Variants in PPP2R3A observed in about 807,000 individuals in gnomAD.
PPP2R3A encodes the protein protein phosphatase 2 regulatory subunit B''alpha, also known as serine/threonine-protein phosphatase 2A regulatory subunit B'' subunit alpha.
In PPP2R3A, 80 loss-of-function variants were observed where a neutral mutation model predicts 106.9. That is an observed-to-expected ratio of 0.75 (90% confidence interval 0.62 to 0.90). PPP2R3A has a LOEUF of 0.90. Among genes scored for constraint, PPP2R3A ranks in the 40% least tolerant of loss-of-function variants. The pLI is 0.00. For synonymous variants in PPP2R3A, 483 were observed against 468.3 expected, an observed-to-expected ratio of 1.03 and a Z score of -0.41; for missense variants, 1,386 against 1,350.4, an observed-to-expected ratio of 1.03 and a Z score of -0.41.
intron 4 of PPP2R3A, among the ~76,000 whole-genome samples, chr3:136,044,193 TAAG>T (rs1935392992): frequency 6.6e-6 from 1 of 152,356 alleles, no homozygotes; most frequent in East Asian, 1.9e-4. Context: ...TTAGGAGCCT[TAAG>T]CATGTTGAGG....
At chr3:136,028,732 T>A (rs1576445695) in intron 3 of PPP2R3A, among the ~76,000 whole-genome samples, 3 of 152,262 alleles carry the variant, frequency 2.0e-5, no homozygotes, top group African/African-American at 7.2e-5. Context: ...GCTGGAACTA[T>A]GGCTGTAAAT....
chr3:136,066,564 A>G (rs1448330570), intron 5 of PPP2R3A, among the ~76,000 whole-genome samples: 1 of 152,200 alleles, frequency 6.6e-6, no homozygotes, highest in Non-Finnish European at 1.5e-5. Flanking sequence ...CAGGCTTTAC[A>G]GGAAGTACGG....
intron 2 of PPP2R3A, among the ~76,000 whole-genome samples, chr3:136,025,251 C>T (rs1178710906): frequency 2.0e-5 from 3 of 152,026 alleles, no homozygotes; most frequent in African/African-American, 7.2e-5. Context: ...ATTGAAATTC[C>T]AAAAGGTTAA....
chr3:136,120,049 T>A (rs1450910022), intron 13 of PPP2R3A, among the ~76,000 whole-genome samples: 1 of 151,876 alleles, frequency 6.6e-6, no homozygotes, highest in Non-Finnish European at 1.5e-5. Flanking sequence ...TTCACGTCCT[T>A]TGCAGGGACA....
intron 10 of PPP2R3A, among the ~76,000 whole-genome samples, chr3:136,091,851 C>G (rs1376750119): frequency 6.6e-6 from 1 of 152,094 alleles, no homozygotes; most frequent in Admixed American, 6.5e-5. Context: ...CATATACCAG[C>G]AGAGTAGAGT....
chr3:136,055,022 A>G (rs1488502599), intron 5 of PPP2R3A, among the ~76,000 whole-genome samples: 1 of 152,232 alleles, frequency 6.6e-6, no homozygotes, highest in African/African-American at 2.4e-5. Flanking sequence ...TTAAAATGCT[A>G]CTGCTCAGTG....
intron 8 of PPP2R3A, among the ~76,000 whole-genome samples, chr3:136,083,704 G>C (rs1244014032): frequency 2.0e-5 from 3 of 152,246 alleles, no homozygotes; most frequent in African/African-American, 7.2e-5. Context: ...ATGTGGGAAA[G>C]TTTGGAACTT....
intron 1 of PPP2R3A, among the ~76,000 whole-genome samples, chr3:135,991,075 A>G (rs964180514): frequency 6.6e-6 from 1 of 151,728 alleles, no homozygotes; most frequent in African/African-American, 2.4e-5. Context: ...AGCCAACTAC[A>G]CTACTCTATT....
At chr3:136,032,577 G>T (rs1323906846) in intron 3 of PPP2R3A, among the ~76,000 whole-genome samples, 1 of 151,176 alleles carries the variant, frequency 6.6e-6, no homozygotes, top group East Asian at 1.9e-4. Flanking sequence ...GCCCAGGCTG[G>T]AGTGCAGTGG....
intron 13 of PPP2R3A, 42 bp downstream of exon 13, chr3:136,106,364 A>G (rs1455430380): frequency 6.5e-7 from 1 of 1,527,214 alleles, no homozygotes; most frequent in Admixed American, 1.7e-5. Flanking sequence ...TTTAACAGGA[A>G]TGCGCATGTC....
intron 13 of PPP2R3A, among the ~76,000 whole-genome samples, chr3:136,110,954 T>C (rs772742890): frequency 4.3e-4 from 65 of 152,238 alleles, no homozygotes; most frequent in South Asian, 2.3e-3. Flanking sequence ...AACAAAATTA[T>C]TCAAGTACTG....
At chr3:136,104,298 TTGTGTGTGTGTG>T (rs55839641) in intron 12 of PPP2R3A, among the ~76,000 whole-genome samples, 2 of 148,660 alleles carry the variant, frequency 1.3e-5, no homozygotes, top group Admixed American at 6.7e-5. Flanking sequence ...GTTTCTTTCT[TTGTGTGTGTGTG>T]TGTGTGTGTG....
intron 10 of PPP2R3A, among the ~76,000 whole-genome samples, chr3:136,093,881 C>G (rs1469105667): frequency 1.3e-5 from 2 of 152,194 alleles, no homozygotes; most frequent in African/African-American, 4.8e-5. Context: ...CAATTCCACT[C>G]CTTAGGTATA....
Position 135,992,863 on chromosome 3 carries a change from G to C in PPP2R3A, c.-440-8196G>C, listed in dbSNP as rs146147289. Among the ~76,000 whole-genome samples, 463 of 152,242 alleles carry C rather than the reference G, an allele frequency of 3.0e-3. 3 individuals carry two copies. Among genetic ancestry groups the C allele is most frequent in the African/African-American group, 0.011 (443 of 41,560 alleles). On this transcript the variant is annotated intron_variant, in intron 1 of 13. Coordinates refer to ENST00000264977, the MANE Select transcript of PPP2R3A (RefSeq NM_002718.5). ...ACGGGGCAAAGCACAAAACTCTGAG[G>C]AAGACTGGCACATAGGGGACAAGAG...
At chr3:136,111,906 CAAATT>C (rs1937597856) in intron 13 of PPP2R3A, among the ~76,000 whole-genome samples, 1 of 152,132 alleles carries the variant, frequency 6.6e-6, no homozygotes, top group African/African-American at 2.4e-5. Context: ...AAAATAGTAG[CAAATT>C]AAATTCAGCA....
Position 136,001,546 on chromosome 3 carries a change from C to T in PPP2R3A, c.48C>T (p.Ser16=). 1 of 1,614,154 alleles carries T rather than the reference C, an allele frequency of 6.2e-7. No individual in the cohort carries two copies. Among genetic ancestry groups the T allele is most frequent in the Non-Finnish European group, 8.5e-7 (1 of 1,179,996 alleles). ...TGGTTAGTACTGTGAACCACTACAG[C>T]AGCGTGGTGATAGACCGGCGTTTTG... The part of the protein sequence containing the change: ...RLVVSTVNHY[S]SVVIDRRFEQ... The change falls in exon 2 of 14, where the codon AGC becomes AGT. Residue 16 remains serine (S), a synonymous_variant. Coordinates refer to ENST00000264977, the MANE Select transcript of PPP2R3A (RefSeq NM_002718.5).
At chr3:136,104,068 A>G (rs920386359) in intron 12 of PPP2R3A, among the ~76,000 whole-genome samples, 8 of 152,244 alleles carry the variant, frequency 5.3e-5, no homozygotes, top group African/African-American at 1.7e-4. Context: ...ACAGTAAACT[A>G]TAAGAAGCTT....
chr3:136,087,243 GTGTCTCTC>G (rs1559912408), intron 8 of PPP2R3A, among the ~76,000 whole-genome samples: 3 of 75,062 alleles, frequency 4.0e-5, no homozygotes, highest in Non-Finnish European at 8.7e-5. Flanking sequence ...GTCTCTAGTC[GTGTCTCTC>G]TCTCTCTCTC....
intron 13 of PPP2R3A, among the ~76,000 whole-genome samples, chr3:136,140,122 T>C (rs1938798561): frequency 6.6e-6 from 1 of 151,940 alleles, no homozygotes; most frequent in Admixed American, 6.6e-5. Flanking sequence ...CATTCAAAAA[T>C]GGCCAGTTAA....
Sources: gnomAD v4.1 joint callset for allele counts (sites outside exome capture counted in the v4.1 genomes callset) on GRCh38, gnomAD v4.1.1 for gene constraint, MANE v1.5 for transcripts, NCBI Gene and HGNC (gene_info 2026-07-23, HGNC 2026-07-21) for gene names.